Variants in ST6GALNAC3 observed in about 807,000 individuals in gnomAD.
The protein encoded by ST6GALNAC3 is ST6 N-acetylgalactosaminide alpha-2,6-sialyltransferase 3, also known as alpha-N-acetylgalactosaminide alpha-2,6-sialyltransferase 3.
A neutral mutation model predicts 32.7 loss-of-function variants in ST6GALNAC3; 25 were observed. The observed-to-expected ratio is 0.76, with a 90% CI of 0.56 to 1.07. ST6GALNAC3 has a LOEUF of 1.07. ST6GALNAC3 is among the 50% of genes least tolerant of loss of function. ST6GALNAC3 has a pLI of 0.00. For synonymous variants in ST6GALNAC3, 129 were observed against 133.1 expected (o/e 0.97, Z 0.21); for missense variants, 355 against 382.4 (o/e 0.93, Z 0.60).
intron 1 of ST6GALNAC3, among the ~76,000 whole-genome samples, chr1:76,201,062 A>G (rs1654488746): frequency 6.6e-6 from 1 of 152,186 alleles, no homozygotes; most frequent in Non-Finnish European, 1.5e-5. Flanking sequence ...TGTGAAAAAA[A>G]AAGAAGGAAA....
chr1:76,621,318 T>C (rs1472017592), intron 3 of ST6GALNAC3, among the ~76,000 whole-genome samples: 2 of 152,088 alleles, frequency 1.3e-5, no homozygotes, highest in Admixed American at 6.6e-5. Flanking sequence ...TTGTTATTTT[T>C]CAGGCCTGGA....
intron 3 of ST6GALNAC3, among the ~76,000 whole-genome samples, chr1:76,538,176 C>A (rs1298914114): frequency 6.6e-6 from 1 of 152,170 alleles, no homozygotes; most frequent in African/African-American, 2.4e-5. Flanking sequence ...CTGCTATGAT[C>A]AAGTCAGCTT....
At chr1:76,158,116 C>G (rs926216478) in intron 1 of ST6GALNAC3, among the ~76,000 whole-genome samples, 4 of 152,202 alleles carry the variant, frequency 2.6e-5, no homozygotes, top group Non-Finnish European at 4.4e-5. Flanking sequence ...AATAAACATG[C>G]CTCTTTCATT....
chr1:76,273,913 G>T (rs568138606), intron 1 of ST6GALNAC3, among the ~76,000 whole-genome samples: 1 of 152,226 alleles, frequency 6.6e-6, no homozygotes, highest in South Asian at 2.1e-4. Flanking sequence ...GGAGTCTATT[G>T]TTAAAAATCT....
intron 1 of ST6GALNAC3, among the ~76,000 whole-genome samples, chr1:76,152,952 A>G (rs1651145820): frequency 6.6e-6 from 1 of 152,192 alleles, no homozygotes; most frequent in African/African-American, 2.4e-5. Context: ...ACCTTTAGGG[A>G]TATTCCTATT....
At chr1:76,481,944 T>A (rs1021230048) in intron 3 of ST6GALNAC3, among the ~76,000 whole-genome samples, 18 of 152,126 alleles carry the variant, frequency 1.2e-4, no homozygotes, top group Non-Finnish European at 1.5e-5. Context: ...TCAAATTTCT[T>A]CAAACAAATC....
At chr1:76,177,932 A>G (rs955313732) in intron 1 of ST6GALNAC3, among the ~76,000 whole-genome samples, 1 of 152,250 alleles carries the variant, frequency 6.6e-6, no homozygotes, top group African/African-American at 2.4e-5. Flanking sequence ...AGAAATAGTC[A>G]TCTAGCAGTG....
chr1:76,317,812 T>A (rs576659195), intron 2 of ST6GALNAC3, among the ~76,000 whole-genome samples: 1 of 152,218 alleles, frequency 6.6e-6, no homozygotes, highest in South Asian at 2.1e-4. Flanking sequence ...TCTTTACTAC[T>A]GTCTAAAGAA....
intron 1 of ST6GALNAC3, among the ~76,000 whole-genome samples, chr1:76,262,808 A>G (rs887790536): frequency 6.6e-6 from 1 of 152,168 alleles, no homozygotes; most frequent in African/African-American, 2.4e-5. Flanking sequence ...GATTGGAAAC[A>G]TGCACGCACA....
intron 3 of ST6GALNAC3, among the ~76,000 whole-genome samples, chr1:76,545,460 T>C (rs749249343): frequency 2.6e-4 from 39 of 152,226 alleles, no homozygotes; most frequent in Non-Finnish European, 4.6e-4. Context: ...CCTGTTACAG[T>C]GTCCAAGACA....
chr1:76,636,826 G>A (rs932033584), downstream of ST6GALNAC3: 3 of 152,116 alleles, frequency 2.0e-5, no homozygotes, highest in African/African-American at 7.2e-5. Context: ...AGAAAGATTA[G>A]CTGGGACTCT....
At chr1:76,447,153 G>A (rs972876457) in intron 3 of ST6GALNAC3, among the ~76,000 whole-genome samples, 1 of 152,284 alleles carries the variant, frequency 6.6e-6, no homozygotes, top group East Asian at 1.9e-4. Context: ...GGCTGAAGTG[G>A]TCTCAAATGG....
chr1:76,385,675 C>G (rs1462056256), intron 2 of ST6GALNAC3, among the ~76,000 whole-genome samples: 2 of 151,980 alleles, frequency 1.3e-5, no homozygotes, highest in Non-Finnish European at 2.9e-5. Flanking sequence ...TTAAATCCCT[C>G]GAATACCTAG....
intron 1 of ST6GALNAC3, among the ~76,000 whole-genome samples, chr1:76,236,923 AC>A (rs1162130373): frequency 6.6e-6 from 1 of 152,138 alleles, no homozygotes; most frequent in African/African-American, 2.4e-5. Flanking sequence ...AGTGGCAGGT[AC>A]CTGATTTAGT....
chr1:76,204,690 G>T (rs1464058715), intron 1 of ST6GALNAC3, among the ~76,000 whole-genome samples: 3 of 152,160 alleles, frequency 2.0e-5, no homozygotes, highest in African/African-American at 7.2e-5. Flanking sequence ...TTTTCTATGG[G>T]ATGTGGGGAA....
At chr1:76,549,140 T>C (rs1664468905) in intron 3 of ST6GALNAC3, among the ~76,000 whole-genome samples, 1 of 152,190 alleles carries the variant, frequency 6.6e-6, no homozygotes, top group Non-Finnish European at 1.5e-5. Context: ...ATATATGAAA[T>C]AAAATAACGA....
chr1:76,541,919 G>A (rs977742062), intron 3 of ST6GALNAC3, among the ~76,000 whole-genome samples: 3 of 152,086 alleles, frequency 2.0e-5, no homozygotes, highest in African/African-American at 7.2e-5. Flanking sequence ...CTACAGATTA[G>A]GAGTACTATT....
At chr1:76,202,571 T>C (rs1362579526) in intron 1 of ST6GALNAC3, among the ~76,000 whole-genome samples, 2 of 152,018 alleles carry the variant, frequency 1.3e-5, no homozygotes, top group East Asian at 1.9e-4. Flanking sequence ...TGTGTATAAG[T>C]AGTTGGAAAG....
At chr1:76,263,962 G>C (rs990340658) in intron 1 of ST6GALNAC3, among the ~76,000 whole-genome samples, 2 of 152,164 alleles carry the variant, frequency 1.3e-5, no homozygotes, top group South Asian at 4.1e-4. Context: ...ATATTTAAAT[G>C]TAACGGCTGT....
Sources: gnomAD v4.1 joint callset for allele counts (sites outside exome capture counted in the v4.1 genomes callset) on GRCh38, gnomAD v4.1.1 for gene constraint, MANE v1.5 for transcripts, NCBI Gene and HGNC (gene_info 2026-07-23, HGNC 2026-07-21) for gene names.